The following RFX6 variants were observed in gnomAD, a reference collection of about 807,000 sequenced individuals.
The protein encoded by RFX6 is regulatory factor X6.
Under a neutral mutation model 110.8 loss-of-function variants are expected in RFX6, and 50 were observed. The ratio of observed to expected loss-of-function variants is 0.45; its 90% CI spans 0.36 to 0.57. The LOEUF (loss-of-function observed/expected upper bound fraction) is 0.57, where lower values mean the gene tolerates loss of function less well. Ranked by LOEUF, RFX6 falls within the 20% of genes least tolerant of loss-of-function variation. RFX6 has a pLI of 0.00. For synonymous variants in RFX6, 383 were observed against 411.2 expected (o/e 0.93, Z 0.83); for missense variants, 990 against 1,127.0 (o/e 0.88, Z 1.74).
At chr6:116,915,911 G>A (rs1174715493) in intron 7 of RFX6, 97 bp from the exon 8 acceptor site, 20 of 879,324 alleles carry the variant, frequency 2.3e-5, no homozygotes, top group Admixed American at 3.5e-5. Context: ...TGCTTGGTAC[G>A]TAATAGGATC....
chr6:116,931,446 G>A lies in RFX6; in HGVS notation c.2727G>A (p.Met909Ile), dbSNP rs754057361. 1 of 1,613,258 alleles carries A rather than the reference G, an allele frequency of 6.2e-7. No homozygotes were observed. Among genetic ancestry groups the A allele is most frequent in the African/African-American group, 1.3e-5 (1 of 74,880 alleles). ...LDSHGTSSREMVSSLPPINTV... is the reference protein window; with the variant it reads ...LDSHGTSSREIVSSLPPINTV... The stretch of plus-strand genomic sequence containing the variant: ...CCCATGGAACAAGCAGTAGAGAAAT[G>A]GTGTCCTCTTTACCACCTATCAACA... The change falls in exon 19 of 19, where the codon ATG becomes ATA. Residue 909 changes from methionine to isoleucine, a missense_variant. This residue lies in a region of RFX6 where 438 missense variants were observed against 441.9 expected (regional missense o/e 0.99). Coordinates refer to ENST00000332958, the MANE Select transcript of RFX6 (RefSeq NM_173560.4).
chr6:116,900,506 C>A (rs1775044972), intron 6 of RFX6, among the ~76,000 whole-genome samples: 1 of 152,124 alleles, frequency 6.6e-6, no homozygotes, highest in Non-Finnish European at 1.5e-5. Context: ...CTGCCTACCT[C>A]AGCCTTCCAA....
chr6:116,896,652 G>A (rs1019297171), intron 6 of RFX6, among the ~76,000 whole-genome samples: 1 of 152,012 alleles, frequency 6.6e-6, no homozygotes, highest in Non-Finnish European at 1.5e-5. Context: ...AGGTTGCAGT[G>A]AGCCATGATT....
intron 2 of RFX6, among the ~76,000 whole-genome samples, chr6:116,878,261 A>T (rs1192866670): frequency 6.6e-6 from 1 of 152,214 alleles, no homozygotes; most frequent in African/African-American, 2.4e-5. Flanking sequence ...ATATGCAATC[A>T]GTTCAGTCCT....
intron 4 of RFX6, among the ~76,000 whole-genome samples, chr6:116,888,330 A>G (rs1774745053): frequency 6.6e-6 from 1 of 152,240 alleles, no homozygotes; most frequent in Non-Finnish European, 1.5e-5. Context: ...TTCATTTTTC[A>G]TATTAAAAGT....
At chr6:116,904,386 T>G (rs1775149213) in intron 6 of RFX6, among the ~76,000 whole-genome samples, 1 of 152,086 alleles carries the variant, frequency 6.6e-6, no homozygotes, top group Admixed American at 6.6e-5. Context: ...TTATATCTTG[T>G]TTTTTAAAAA....
At chr6:116,931,271 T>C in intron 18 of RFX6, 60 bp from the exon 19 acceptor site, 1 of 1,263,796 alleles carries the variant, frequency 7.9e-7, no homozygotes, top group Non-Finnish European at 1.2e-6. Flanking sequence ...ATGAGTGGCA[T>C]TTGCAGAGAA....
chr6:116,908,734 A>G (rs145529356), intron 6 of RFX6, among the ~76,000 whole-genome samples: 2 of 151,952 alleles, frequency 1.3e-5, no homozygotes, highest in Admixed American at 1.3e-4. Flanking sequence ...TGAGAGAGAG[A>G]GAGGCTAATG....
At chr6:116,885,939 C>A (rs1774690255) in intron 4 of RFX6, among the ~76,000 whole-genome samples, 3 of 151,882 alleles carry the variant, frequency 2.0e-5, no homozygotes, top group Admixed American at 2.0e-4. Flanking sequence ...GCAAACATTT[C>A]TAATGGCTAT....
intron 3 of RFX6, among the ~76,000 whole-genome samples, chr6:116,881,297 C>A (rs140600172): frequency 1.3e-3 from 193 of 152,072 alleles, no homozygotes; most frequent in East Asian, 0.011. Context: ...AAGCCTTGTT[C>A]TTTAAGATTC....
chr6:116,915,071 G>C (rs1184606826), intron 7 of RFX6, among the ~76,000 whole-genome samples: 1 of 152,076 alleles, frequency 6.6e-6, no homozygotes, highest in Non-Finnish European at 1.5e-5. Flanking sequence ...TTTTCACGTA[G>C]AGTACATAAC....
At chr6:116,913,870 G>A (rs189728277) in intron 7 of RFX6, among the ~76,000 whole-genome samples, 3 of 152,004 alleles carry the variant, frequency 2.0e-5, no homozygotes, top group Admixed American at 6.6e-5. Context: ...TAATTTGTAC[G>A]GATAAATCAG....
intron 6 of RFX6, among the ~76,000 whole-genome samples, chr6:116,902,084 T>C (rs1339608615): frequency 1.3e-5 from 2 of 152,002 alleles, no homozygotes; most frequent in Non-Finnish European, 2.9e-5. Context: ...AAAAAGCACA[T>C]TGAAAATACA....
At chr6:116,903,553 C>T (rs1464975637) in intron 6 of RFX6, among the ~76,000 whole-genome samples, 1 of 151,988 alleles carries the variant, frequency 6.6e-6, no homozygotes, top group Non-Finnish European at 1.5e-5. Context: ...CCACTTCAAT[C>T]ACTTTTTCCT....
chr6:116,882,269 A>G, intron 3 of RFX6, 98 bp from the exon 4 acceptor site: 1 of 824,698 alleles, frequency 1.2e-6, no homozygotes. Context: ...CAGTTCATTC[A>G]GAGTTCAACA....
At chr6:116,914,356 T>TG (rs1016219118) in intron 7 of RFX6, among the ~76,000 whole-genome samples, 1 of 152,188 alleles carries the variant, frequency 6.6e-6, no homozygotes, top group African/African-American at 2.4e-5. Flanking sequence ...TTCCATATGT[T>TG]GGCTATTGTG....
chr6:116,885,720 GT>G (rs149496347), intron 4 of RFX6, among the ~76,000 whole-genome samples: 15,075 of 151,388 alleles, frequency 0.1, 935 homozygotes, highest in African/African-American at 0.17. Context: ...GTTTTATTAA[GT>G]TTTTTTTTAA....
chr6:116,904,558 G>GT (rs1332598692), intron 6 of RFX6, among the ~76,000 whole-genome samples: 3 of 152,064 alleles, frequency 2.0e-5, no homozygotes, highest in Admixed American at 6.6e-5. Flanking sequence ...TGAGTGTACA[G>GT]TTTTGTGGTA....
chr6:116,921,768 AG>A (rs1775600662), intron 12 of RFX6, among the ~76,000 whole-genome samples: 2 of 151,668 alleles, frequency 1.3e-5, no homozygotes, highest in East Asian at 1.9e-4. Context: ...GGCTGCAGTA[AG>A]CCATGATCAC....
Sources: allele counts gnomAD v4.1 joint callset (sites outside exome capture counted in the v4.1 genomes callset), GRCh38; gene constraint gnomAD v4.1.1; regional missense constraint gnomAD v4.1.1; transcripts MANE v1.5; gene names NCBI Gene and HGNC (gene_info 2026-07-23, HGNC 2026-07-21).